Variants in ILRUN observed in about 807,000 individuals in gnomAD.
ILRUN encodes protein ILRUN.
ILRUN carries 3 observed loss-of-function variants against 33.8 expected under a neutral mutation model. The observed-to-expected ratio is 0.09, with a 90% CI of 0.04 to 0.23. The LOEUF (loss-of-function observed/expected upper bound fraction) is 0.23, where lower values mean the gene tolerates loss of function less well. ILRUN is among the 10% of genes least tolerant of loss of function. The pLI is 1.00. For missense variants in ILRUN, 210 were observed against 375.1 expected (o/e 0.56, Z 3.64); for synonymous variants, 124 against 138.9 (o/e 0.89, Z 0.75).
chr6:34,630,861 T>G (rs1762231194), intron 3 of ILRUN, among the ~76,000 whole-genome samples: 1 of 152,206 alleles, frequency 6.6e-6, no homozygotes, highest in African/African-American at 2.4e-5. Context: ...GTTTTGGAAT[T>G]TCTACTGACA....
intron 1 of ILRUN, among the ~76,000 whole-genome samples, chr6:34,683,001 C>T: frequency 6.6e-6 from 1 of 151,624 alleles, no homozygotes; most frequent in East Asian, 1.9e-4. Context: ...TGGTGACACA[C>T]ATCTGTAGTC....
intron 4 of ILRUN, among the ~76,000 whole-genome samples, chr6:34,604,122 G>A (rs1029784185): frequency 2.0e-5 from 3 of 152,174 alleles, no homozygotes; most frequent in African/African-American, 7.2e-5. Flanking sequence ...TACAGTTCTT[G>A]CAAATGCTAC....
rs189122161 is a variant in ILRUN, at chr6:34,680,495, C to T, written c.158+15951G>A. Among the ~76,000 whole-genome samples, 6 of 152,122 alleles carry T rather than the reference C, an allele frequency of 3.9e-5. No individual in the cohort carries two copies. In the East Asian group the frequency reaches 1.2e-3, roughly 29 times the overall value. ...TTTGTTTTTTTTGGAGACAGAGTCT[C>T]GCTCTGCTGCCCAGACTGGAGTGCA... On this transcript the variant is annotated intron_variant, in intron 1 of 4. Coordinates refer to ENST00000374023, the MANE Select transcript of ILRUN (RefSeq NM_024294.4).
At chr6:34,658,245 G>A (rs1241357895) in intron 1 of ILRUN, among the ~76,000 whole-genome samples, 1 of 151,706 alleles carries the variant, frequency 6.6e-6, no homozygotes, top group African/African-American at 2.4e-5. Context: ...TTGGGAGGAT[G>A]AGATAGGCGA....
At chr6:34,676,770 A>C (rs1302367996) in intron 1 of ILRUN, among the ~76,000 whole-genome samples, 1 of 108,652 alleles carries the variant, frequency 9.2e-6, no homozygotes, top group East Asian at 2.5e-4. Flanking sequence ...GGAAACACAA[A>C]ATAAAACAAG....
Position 34,646,887 on chromosome 6 carries a change from T to G in ILRUN, c.314-89A>C. 3.3e-6 allele frequency: 4 copies of G among 1,194,114 alleles called. No individual in the cohort carries two copies. Among genetic ancestry groups the G allele is most frequent in the Non-Finnish European group, 4.9e-6 (4 of 821,346 alleles). The allele number at this position is 1,194,114 out of a possible 1,614,324, so 74.0% of individuals were successfully genotyped here. ...TATGAAACTGTAGAAGAGGCCTCTT[T>G]CTTTTTCTCACATACATACATAAAC... On this transcript the variant is annotated intron_variant, in intron 2 of 4. Transcript: ENST00000374023. This position sits in a 1 kb window ranked among gnomAD's most constrained non-coding sequence, Gnocchi z 4.9.
chr6:34,601,984 G>T (rs948558541), intron 4 of ILRUN, among the ~76,000 whole-genome samples: 1 of 152,090 alleles, frequency 6.6e-6, no homozygotes, highest in African/African-American at 2.4e-5. Flanking sequence ...CTGGAGGAGC[G>T]GGATGAACCT....
intron 3 of ILRUN, among the ~76,000 whole-genome samples, chr6:34,640,810 G>A (rs995889535): frequency 5.9e-4 from 89 of 152,086 alleles, no homozygotes; most frequent in African/African-American, 2.1e-3. Flanking sequence ...GCCAGGCACG[G>A]TAGCTCATGC....
rs1392285095 is a variant in ILRUN, at chr6:34,588,083, G to A, written c.*2482C>T. 3 of 398,632 alleles carry A rather than the reference G, an allele frequency of 7.5e-6. No homozygotes were observed. The highest frequency in any genetic ancestry group is 8.8e-6 in the Non-Finnish European group (2 of 226,144). 24.7% of individuals were successfully genotyped at this position (398,632 alleles called of 1,614,324 possible). On this transcript the variant is annotated 3_prime_UTR_variant, in exon 5 of 5. Coordinates refer to ENST00000374023, the MANE Select transcript of ILRUN (RefSeq NM_024294.4). ...CTCTGAACCCATACCAGTGAGGGGA[G>A]AGAGAATGAATGATACTGATACCCT...
chr6:34,588,031 G>T lies in ILRUN; in HGVS notation c.*2534C>A. The T allele has an allele frequency of 2.5e-6, 1 of 398,742 alleles. No individual in the cohort carries two copies. Among genetic ancestry groups the T allele is most frequent in the South Asian group, 1.3e-4 (1 of 7,818 alleles). 24.7% of individuals were successfully genotyped at this position (398,742 alleles called of 1,614,324 possible). ...TAGCCACTACCACCCCACTAGGCAG[G>T]GGAGCAGAGAGGGGCCCTAGGCATT... On this transcript the variant is annotated 3_prime_UTR_variant, in exon 5 of 5. Transcript: ENST00000374023.
In ILRUN at chr6:34,588,295, G is replaced by A. The variant is rs529592747; in HGVS notation, c.*2270C>T. On this transcript the variant is annotated 3_prime_UTR_variant, in exon 5 of 5. Transcript: ENST00000374023. ...TGGTTGCCTAGAAGCAAGAGGAAGA[G>A]CAAGACGACTCTGGCAGGCCCAGAC... 8 of 398,540 alleles carry A rather than the reference G, an allele frequency of 2.0e-5. No homozygotes were observed. In the South Asian group the frequency reaches 1.0e-3, roughly 51 times the overall value. 24.7% of individuals were successfully genotyped at this position (398,540 alleles called of 1,614,324 possible).
intron 4 of ILRUN, among the ~76,000 whole-genome samples, chr6:34,591,809 A>T (rs1042331831): frequency 1.3e-5 from 2 of 152,108 alleles, no homozygotes; most frequent in African/African-American, 2.4e-5. Flanking sequence ...CAAGCTTTTT[A>T]AAAAAATCAC....
At chr6:34,668,389 T>C (rs1010295056) in intron 1 of ILRUN, among the ~76,000 whole-genome samples, 4 of 152,198 alleles carry the variant, frequency 2.6e-5, no homozygotes, top group African/African-American at 9.6e-5. Context: ...TATATATTGA[T>C]ATAATGATCT....
intron 1 of ILRUN, among the ~76,000 whole-genome samples, chr6:34,662,661 T>A (rs1762913887): frequency 6.6e-6 from 1 of 152,218 alleles, no homozygotes; most frequent in African/African-American, 2.4e-5. Context: ...AATACTTACA[T>A]GGAAAGTGGG....
intron 3 of ILRUN, among the ~76,000 whole-genome samples, chr6:34,621,186 AC>A (rs1228550981): frequency 6.6e-6 from 1 of 152,262 alleles, no homozygotes; most frequent in African/African-American, 2.4e-5. Context: ...ATTGAAAGCA[AC>A]AAGAGCATCA....
At chr6:34,626,549 C>T (rs1250597864) in intron 3 of ILRUN, among the ~76,000 whole-genome samples, 5 of 152,174 alleles carry the variant, frequency 3.3e-5, no homozygotes, top group African/African-American at 7.2e-5. Flanking sequence ...TATGCACAAC[C>T]TGCCTATCAA....
chr6:34,659,618 CTTTT>C (rs985939505), intron 1 of ILRUN, among the ~76,000 whole-genome samples: 2 of 91,470 alleles, frequency 2.2e-5, no homozygotes, highest in Non-Finnish European at 2.0e-5. Flanking sequence ...ATAAGGCAGT[CTTTT>C]TTTTTTTTTT....
At chr6:34,632,332 TAG>T (rs1011109861) in intron 3 of ILRUN, among the ~76,000 whole-genome samples, 3 of 151,894 alleles carry the variant, frequency 2.0e-5, no homozygotes, top group African/African-American at 7.3e-5. Context: ...TCCTAGCTAC[TAG>T]AGAGGCTGAG....
At chr6:34,647,493 G>A (rs1245072924) in intron 2 of ILRUN, among the ~76,000 whole-genome samples, 1 of 152,058 alleles carries the variant, frequency 6.6e-6, no homozygotes, top group Non-Finnish European at 1.5e-5. Flanking sequence ...AGGAGTTGGA[G>A]GTACTTGCGG....
Sources: gnomAD v4.1 joint callset for allele counts (sites outside exome capture counted in the v4.1 genomes callset) on GRCh38, gnomAD v4.1.1 for gene constraint, Gnocchi (gnomAD v3.1) non-coding constraint, MANE v1.5 for transcripts, NCBI Gene and HGNC (gene_info 2026-07-23, HGNC 2026-07-21) for gene names.